Variants in FREM1 observed in about 807,000 individuals in gnomAD.
FREM1 encodes the protein FRAS1 related extracellular matrix 1.
FREM1 carries 220 observed loss-of-function variants against 210.1 expected under a neutral mutation model. The ratio of observed to expected loss-of-function variants is 1.05; its 90% CI spans 0.94 to 1.17. The LOEUF (loss-of-function observed/expected upper bound fraction) is 1.17, where lower values mean the gene tolerates loss of function less well. Ranked by LOEUF, FREM1 falls within the 50% of genes most tolerant of loss-of-function variation. FREM1 has a pLI of 0.00. For missense variants in FREM1, 3,454 were observed against 2,675.5 expected, an observed-to-expected ratio of 1.29 and a Z score of -6.42; for synonymous variants, 1,189 against 980.2, an observed-to-expected ratio of 1.21 and a Z score of -3.98.
At chr9:14,813,899 C>G (rs537037361) in intron 15 of FREM1, among the ~76,000 whole-genome samples, 9 of 152,324 alleles carry the variant, frequency 5.9e-5, no homozygotes, top group African/African-American at 1.9e-4. Flanking sequence ...ATCTTTTTAA[C>G]GTGTGGACTT....
intron 3 of FREM1, among the ~76,000 whole-genome samples, chr9:14,860,553 A>ATGTGTATATATGTG: frequency 8.5e-6 from 1 of 117,646 alleles, no homozygotes; most frequent in African/African-American, 4.2e-5. Flanking sequence ...ACACATATAT[A>ATGTGTATATATGTG]TACACACATA....
rs149287219 is a variant in FREM1 at position 14,903,240 on chromosome 9, A to G, written c.-268+6674T>C. Among the ~76,000 whole-genome samples the G allele has an allele frequency of 4.9e-3, 752 of 152,372 alleles. 9 individuals carry two copies. The highest frequency in any genetic ancestry group is 0.049 in the South Asian group (237 of 4,828). ...AGAGGCCACAGTCATTCATGAGACC[A>G]AAGTTACTGAGCCATGACATGTGGT... On this transcript the variant is annotated intron_variant, in intron 1 of 36. Transcript: ENST00000380880.
chr9:14,824,500 T>C (rs367856423), intron 11 of FREM1, among the ~76,000 whole-genome samples: 3 of 152,306 alleles, frequency 2.0e-5, no homozygotes, highest in East Asian at 3.9e-4. Flanking sequence ...AAGACCTCAA[T>C]AAATTGTACT....
intron 5 of FREM1, among the ~76,000 whole-genome samples, chr9:14,855,594 T>C (rs901324332): frequency 3.9e-5 from 6 of 152,192 alleles, no homozygotes; most frequent in African/African-American, 1.4e-4. Flanking sequence ...CATGTGTGTG[T>C]ATGTAAAAAT....
chr9:14,787,405 T>A (rs1218646172), intron 23 of FREM1, among the ~76,000 whole-genome samples: 1 of 152,220 alleles, frequency 6.6e-6, no homozygotes, highest in African/African-American at 2.4e-5. Context: ...AAAATCCTTT[T>A]AGAAAATAAT....
chr9:14,749,860 T>G (rs1355206427), intron 30 of FREM1, among the ~76,000 whole-genome samples: 1 of 152,150 alleles, frequency 6.6e-6, no homozygotes, highest in South Asian at 2.1e-4. Flanking sequence ...CCAACACTGT[T>G]TCCCCCTCGG....
intron 10 of FREM1, among the ~76,000 whole-genome samples, chr9:14,838,953 CCA>C (rs1825144834): frequency 6.6e-6 from 1 of 152,060 alleles, no homozygotes; most frequent in Non-Finnish European, 1.5e-5. Flanking sequence ...GACAGCAAGT[CCA>C]TAGTCTGGAG....
intron 10 of FREM1, among the ~76,000 whole-genome samples, chr9:14,825,535 A>ATGTGTGTG (rs1237770928): frequency 6.4e-5 from 7 of 108,704 alleles, no homozygotes; most frequent in African/African-American, 2.5e-4. Flanking sequence ...ATATATATAT[A>ATGTGTGTG]TGTGTGTGTG....
chr9:14,860,580 TACAC>T (rs1188000826), intron 3 of FREM1, among the ~76,000 whole-genome samples: 102 of 138,162 alleles, frequency 7.4e-4, no homozygotes, highest in African/African-American at 2.6e-3. Flanking sequence ...CACATATATA[TACAC>T]ATATATATAC....
chr9:14,825,508 T>A (rs1180982029), intron 10 of FREM1, among the ~76,000 whole-genome samples: 2 of 130,398 alleles, frequency 1.5e-5, no homozygotes, highest in Non-Finnish European at 1.6e-5. Context: ...AAAAAAAAAG[T>A]ATATATATAC....
At chr9:14,809,202 G>T (rs1818939815) in intron 16 of FREM1, among the ~76,000 whole-genome samples, 1 of 152,164 alleles carries the variant, frequency 6.6e-6, no homozygotes, top group Non-Finnish European at 1.5e-5. Context: ...TGTAAGAGGT[G>T]ACTTGCTCCT....
intron 10 of FREM1, among the ~76,000 whole-genome samples, chr9:14,829,836 G>A (rs180803058): frequency 1.5e-4 from 23 of 152,264 alleles, no homozygotes; most frequent in Admixed American, 4.6e-4. Flanking sequence ...CAGCTTTATA[G>A]ACCTTAAGCC....
At chr9:14,821,438 G>A (rs187957924) in intron 13 of FREM1, among the ~76,000 whole-genome samples, 5 of 152,288 alleles carry the variant, frequency 3.3e-5, no homozygotes, top group Admixed American at 2.6e-4. Flanking sequence ...GCATAAAGGA[G>A]CATTTCTCCA....
intron 7 of FREM1, among the ~76,000 whole-genome samples, chr9:14,846,986 C>T (rs1826748478): frequency 6.6e-6 from 1 of 152,224 alleles, no homozygotes. Flanking sequence ...AACCTTGTGG[C>T]TGATCAGGCC....
At chr9:14,817,583 G>A (rs554634190) in intron 14 of FREM1, among the ~76,000 whole-genome samples, 2 of 152,278 alleles carry the variant, frequency 1.3e-5, no homozygotes, top group East Asian at 1.9e-4. Context: ...GTTCTAAGGA[G>A]CTGCTGAAGT....
In FREM1 at chr9:14,737,341, C is replaced by A. The variant is rs886063763; in HGVS notation, c.*55G>T. On this transcript the variant is annotated 3_prime_UTR_variant, in exon 37 of 37. Coordinates refer to ENST00000380880, the MANE Select transcript of FREM1 (RefSeq NM_001379081.2). ...TTTCTATGGAGCAATATTCACAGATCCTGTGAATAAATAGGTGACAAACTC... is the reference window on the plus strand; with the variant it reads ...TTTCTATGGAGCAATATTCACAGATACTGTGAATAAATAGGTGACAAACTC... 7.5e-5 allele frequency: 98 copies of A among 1,315,232 alleles called. No individual in the cohort carries two copies. The highest frequency in any genetic ancestry group is 9.8e-5 in the Non-Finnish European group (91 of 925,836). The allele number at this position is 1,315,232 out of a possible 1,614,324, so 81.5% of individuals were successfully genotyped here. A position where few individuals can be genotyped will look rare whatever the true frequency, so the allele number is the denominator to read the frequency against.
At chr9:14,844,826 GA>G (rs769191856) in intron 8 of FREM1, among the ~76,000 whole-genome samples, 2 of 152,184 alleles carry the variant, frequency 1.3e-5, no homozygotes, top group Non-Finnish European at 2.9e-5. Context: ...AGCAAACTTA[GA>G]TCATGACTTC....
chr9:14,873,502 G>C (rs951766141), intron 1 of FREM1, among the ~76,000 whole-genome samples: 1 of 152,110 alleles, frequency 6.6e-6, no homozygotes, highest in African/African-American at 2.4e-5. Context: ...ATTTCTGTGG[G>C]ATCGGTGGTG....
rs758079164 is a variant in FREM1, at chr9:14,841,590, C to T, written c.1739-1G>A. On this transcript the variant is annotated splice_acceptor_variant, in intron 9 of 36. Coordinates refer to ENST00000380880, the MANE Select transcript of FREM1 (RefSeq NM_001379081.2). LOFTEE classifies it high-confidence loss of function. ...TGAAGGAAGCCATGGACAGGATAGC[C>T]TATTGGGTCCATAAAACACCACATA... The T allele has an allele frequency of 6.3e-7, 1 of 1,583,640 alleles. No homozygotes were observed. The highest frequency in any genetic ancestry group is 1.1e-5 in the South Asian group (1 of 87,008).
Sources: gnomAD v4.1 joint callset for allele counts (sites outside exome capture counted in the v4.1 genomes callset) on GRCh38, gnomAD v4.1.1 for gene constraint, MANE v1.5 for transcripts, NCBI Gene and HGNC (gene_info 2026-07-23, HGNC 2026-07-21) for gene names.